Variants in GORASP2 observed in about 807,000 individuals in gnomAD.
GORASP2 encodes the protein golgi reassembly stacking protein 2.
Under a neutral mutation model 45.7 loss-of-function variants are expected in GORASP2, and 22 were observed. The observed-to-expected ratio is 0.48, with a 90% CI of 0.34 to 0.69. GORASP2 has a LOEUF of 0.69. Ranked by LOEUF, GORASP2 falls within the 30% of genes least tolerant of loss-of-function variation. The pLI is 0.01. For missense variants in GORASP2, 491 were observed against 562.7 expected (o/e 0.87, Z 1.29); for synonymous variants, 221 against 215.6 (o/e 1.02, Z -0.22).
intron 1 of GORASP2, chr2:170,930,028 A>T: frequency 6.9e-6 from 2 of 291,680 alleles, no homozygotes; most frequent in South Asian, 5.2e-5. Flanking sequence ...CCTTCTCAAG[A>T]TTTCCTGGAG....
chr2:170,961,090 G>A lies in GORASP2; in HGVS notation c.824-573G>A, dbSNP rs1207439925. ...CAAGCTAATGTTAGTACACGTTTGT[G>A]TTAGACTTCAAAGGACTGTCACAGA... On this transcript the variant is annotated intron_variant, in intron 7 of 9. Coordinates refer to ENST00000234160, the MANE Select transcript of GORASP2 (RefSeq NM_015530.5). Among the ~76,000 whole-genome samples, 3 of 152,332 alleles carry A rather than the reference G, an allele frequency of 2.0e-5. No homozygotes were observed. In the East Asian group the frequency reaches 5.8e-4, roughly 29 times the overall value.
upstream of GORASP2, chr2:170,929,194 G>C (rs1703750487): frequency 3.7e-6 from 2 of 542,358 alleles, no homozygotes; most frequent in Admixed American, 4.4e-5. Context: ...CTGCAGCAGA[G>C]ACGATCTCCC....
chr2:170,965,410 C>T (rs1277027966), intron 9 of GORASP2, among the ~76,000 whole-genome samples: 1 of 151,816 alleles, frequency 6.6e-6, no homozygotes, highest in African/African-American at 2.4e-5. Context: ...GCAGCTGTAA[C>T]TCAGCTTGCA....
chr2:170,946,367 T>C (rs1049622551), intron 1 of GORASP2, among the ~76,000 whole-genome samples: 3 of 152,056 alleles, frequency 2.0e-5, no homozygotes, highest in African/African-American at 2.4e-5. Flanking sequence ...GAAAATATTT[T>C]GGAAAAAAAA....
chr2:170,949,831 TG>T, intron 3 of GORASP2, 89 bp downstream of exon 3: 3 of 1,141,266 alleles, frequency 2.6e-6, no homozygotes, highest in Non-Finnish European at 3.9e-6. Context: ...TTAATAAGAT[TG>T]TAAGGATATT....
At chr2:170,950,491 G>A (rs529842927) in intron 4 of GORASP2, among the ~76,000 whole-genome samples, 2 of 152,306 alleles carry the variant, frequency 1.3e-5, no homozygotes, top group Admixed American at 6.5e-5. Context: ...AACACATACT[G>A]TGCGGCAATT....
intron 1 of GORASP2, 97 bp downstream of exon 1, chr2:170,929,500 G>A (rs991066422): frequency 7.0e-5 from 71 of 1,012,166 alleles, no homozygotes; most frequent in Non-Finnish European, 9.3e-5. Flanking sequence ...GGGGCAGCCA[G>A]GCCCGATCCC....
In GORASP2 at chr2:170,941,151, T is replaced by C. The variant is rs146067812; in HGVS notation, c.64-7199T>C. 1.0e-3 allele frequency among the ~76,000 whole-genome samples: 152 copies of C among 152,310 alleles called. 2 individuals carry two copies. Among genetic ancestry groups the C allele is most frequent in the Admixed American group, 5.6e-3 (86 of 15,290 alleles). ...AAGCATTTCTTTCACGCTGCTGTAGTTTTTATTTTGTAAGCTAACCTCAGA... is the reference window on the plus strand; with the variant it reads ...AAGCATTTCTTTCACGCTGCTGTAGCTTTTATTTTGTAAGCTAACCTCAGA... On this transcript the variant is annotated intron_variant, in intron 1 of 9. Transcript: ENST00000234160.
chr2:170,951,575 A>G (rs992294555), intron 5 of GORASP2, 117 bp downstream of exon 5: 1 of 785,224 alleles, frequency 1.3e-6, no homozygotes, highest in Non-Finnish European at 2.0e-6. Context: ...GACTCCTCTT[A>G]AAAAAAAGGG....
At chr2:170,938,121 A>G (rs6714300) in intron 1 of GORASP2, among the ~76,000 whole-genome samples, 91,072 of 152,070 alleles carry the variant, frequency 0.6, 29,040 homozygotes, top group East Asian at 0.95. Flanking sequence ...AAACAACGCT[A>G]TCTACCTCCT....
Position 170,966,181 on chromosome 2 carries a change from G to A in GORASP2, c.*51G>A, listed in dbSNP as rs763121053. The A allele has an allele frequency of 4.8e-6, 6 of 1,240,536 alleles. No homozygotes were observed. The highest frequency in any genetic ancestry group is 1.7e-5 in the Admixed American group (1 of 59,280). 76.8% of individuals were successfully genotyped at this position (1,240,536 alleles called of 1,614,324 possible). A position where few individuals can be genotyped will look rare whatever the true frequency, so the allele number is the denominator to read the frequency against. On this transcript the variant is annotated 3_prime_UTR_variant, in exon 10 of 10. Transcript: ENST00000234160. ...GTGGTATATTTAACCACGGGAGCGT[G>A]TCTGGAAACGCAAACTATCATTAAT...
intron 1 of GORASP2, among the ~76,000 whole-genome samples, chr2:170,945,213 T>A (rs1266210815): frequency 1.3e-5 from 2 of 152,058 alleles, no homozygotes; most frequent in Non-Finnish European, 2.9e-5. Context: ...GTAATCCTAG[T>A]GCTTTGGGAG....
At chr2:170,951,492 T>TTAA (rs759442635) in intron 5 of GORASP2, 34 bp downstream of exon 5, 1 of 1,518,234 alleles carries the variant, frequency 6.6e-7, no homozygotes, top group South Asian at 1.2e-5. Flanking sequence ...TTATGACTGC[T>TTAA]TAAACATACC....
chr2:170,929,850 G>T (rs1575465012), intron 1 of GORASP2: 1 of 452,666 alleles, frequency 2.2e-6, no homozygotes, highest in Non-Finnish European at 4.6e-6. Flanking sequence ...CGGAGGCGGG[G>T]CCTGCGGCGG....
intron 1 of GORASP2, among the ~76,000 whole-genome samples, chr2:170,931,227 AT>A (rs1360547828): frequency 3.3e-5 from 5 of 152,074 alleles, no homozygotes; most frequent in African/African-American, 1.2e-4. Context: ...CGATGAAATA[AT>A]TCTTATTTAG....
chr2:170,929,459 G>C, intron 1 of GORASP2, 56 bp downstream of exon 1: 1 of 1,251,026 alleles, frequency 8.0e-7, no homozygotes, highest in South Asian at 2.2e-5. Context: ...GCCGGCCGCG[G>C]GGAGGCGGAG....
At chr2:170,947,503 A>G (rs999068557) in intron 1 of GORASP2, among the ~76,000 whole-genome samples, 4 of 152,174 alleles carry the variant, frequency 2.6e-5, no homozygotes, top group Admixed American at 6.5e-5. Context: ...TCTTTCCCTT[A>G]GAACCTTATA....
At chr2:170,960,084 G>A (rs188665301) in intron 7 of GORASP2, among the ~76,000 whole-genome samples, 15 of 152,202 alleles carry the variant, frequency 9.9e-5, no homozygotes, top group Non-Finnish European at 2.9e-5. Context: ...GCTTCCCAAA[G>A]TGCTGGGATT....
rs1431848712 is a variant in GORASP2 at position 170,956,422 on chromosome 2, T to A, written c.700-14T>A. On this transcript the variant is annotated splice_polypyrimidine_tract_variant and intron_variant, in intron 6 of 9. Coordinates refer to ENST00000234160, the MANE Select transcript of GORASP2 (RefSeq NM_015530.5). ...CTTAAGTAATCTTTGTGTTTTTTTT[T>A]CTTTTTTTGGAAGGTCCAGCTGTCC... 1 of 1,578,260 alleles carries A rather than the reference T, an allele frequency of 6.3e-7. No individual in the cohort carries two copies. Among genetic ancestry groups the A allele is most frequent in the East Asian group, 2.2e-5 (1 of 44,798 alleles).
Sources: allele counts gnomAD v4.1 joint callset (sites outside exome capture counted in the v4.1 genomes callset), GRCh38; gene constraint gnomAD v4.1.1; transcripts MANE v1.5; gene names NCBI Gene and HGNC (gene_info 2026-07-23, HGNC 2026-07-21).